SLC22A25: variants seen among roughly 807,000 people sequenced by gnomAD.
SLC22A25 encodes the protein solute carrier family 22 member 25.
Under a neutral mutation model 45.9 loss-of-function variants are expected in SLC22A25, and 44 were observed. That is an observed-to-expected ratio of 0.96 (90% CI 0.75 to 1.23). SLC22A25 has a LOEUF of 1.23. Ranked by LOEUF, SLC22A25 falls within the 50% of genes most tolerant of loss-of-function variation. SLC22A25 has a pLI of 0.00. For synonymous variants in SLC22A25, 283 were observed against 238.6 expected (o/e 1.19, Z -1.72); for missense variants, 800 against 666.4 (o/e 1.20, Z -2.21).
chr11:63,229,559 A>G lies in SLC22A25; in HGVS notation c.94T>C (p.Tyr32His), dbSNP rs34499840. The G allele has an allele frequency of 2.3e-3, 3,707 of 1,614,118 alleles. 9 individuals carry two copies. Among genetic ancestry groups the G allele is most frequent in the Non-Finnish European group, 3.0e-3 (3,529 of 1,179,988 alleles). The stretch of plus-strand genomic sequence containing the variant: ...AAGTTCTCCAGCTGAGTTTGATGGT[A>G]TACTATGACGTTGAACATTATAAGG... ...VFLIMFNVIV[Y>H]HQTQLENFAA... Residue 32 changes from tyrosine to histidine, a missense_variant, in exon 4 of 12, where the codon TAC (tyrosine) becomes CAC (histidine). Coordinates refer to ENST00000306494, the MANE Select transcript of SLC22A25 (RefSeq NM_199352.6).
intron 7 of SLC22A25, among the ~76,000 whole-genome samples, chr11:63,186,080 A>G (rs2088530836): frequency 6.6e-6 from 1 of 150,792 alleles, no homozygotes; most frequent in African/African-American, 2.4e-5. Flanking sequence ...GGCTGGGTCA[A>G]ATGGTATTTC....
At chr11:63,239,485 T>C (rs1349919531) in intron 1 of SLC22A25, among the ~76,000 whole-genome samples, 2 of 152,230 alleles carry the variant, frequency 1.3e-5, no homozygotes, top group Non-Finnish European at 2.9e-5. Flanking sequence ...TGCTATATTG[T>C]TAGCAGTCTT....
intron 9 of SLC22A25, chr11:63,166,914 T>C (rs953086255): frequency 2.1e-6 from 2 of 950,246 alleles, no homozygotes; most frequent in African/African-American, 1.8e-5. Flanking sequence ...AGAGCTCTGG[T>C]CTGCAGCTCC....
intron 9 of SLC22A25, among the ~76,000 whole-genome samples, chr11:63,174,862 A>G (rs1482437352): frequency 2.0e-5 from 3 of 152,080 alleles, no homozygotes; most frequent in Admixed American, 6.6e-5. Context: ...ATTATTTTAG[A>G]TATCTCATAT....
rs1333240109 is a variant in SLC22A25 at position 63,159,493 on chromosome 11, G to A, written c.*4331C>T. Among the ~76,000 whole-genome samples the A allele has an allele frequency of 6.6e-6, 1 of 152,192 alleles. No homozygotes were observed. The highest frequency in any genetic ancestry group is 2.4e-5 in the African/African-American group (1 of 41,448). On this transcript the variant is annotated 3_prime_UTR_variant, in exon 12 of 12. Transcript: ENST00000306494. ...TTCTCTTTTCCCTGCTGCCATGTAA[G>A]TTGTGCCTTTCACCTTCTGCCGTGA...
chr11:63,234,191 T>A (rs905512501), intron 3 of SLC22A25, among the ~76,000 whole-genome samples: 2 of 152,206 alleles, frequency 1.3e-5, no homozygotes, highest in African/African-American at 4.8e-5. Context: ...CTGGATATCC[T>A]TGTTAACTTT....
At chr11:63,179,730 A>G (rs2088250344) in intron 9 of SLC22A25, among the ~76,000 whole-genome samples, 1 of 152,150 alleles carries the variant, frequency 6.6e-6, no homozygotes, top group Non-Finnish European at 1.5e-5. Context: ...TATATCAGAC[A>G]CATACTGAGC....
intron 3 of SLC22A25, among the ~76,000 whole-genome samples, 106 bp downstream of exon 3, chr11:63,237,775 T>C (rs927131552): frequency 1.1e-4 from 17 of 152,170 alleles, no homozygotes; most frequent in Admixed American, 6.5e-5. Flanking sequence ...TAGTACTCCA[T>C]TTGTGTTTCT....
intron 7 of SLC22A25, among the ~76,000 whole-genome samples, chr11:63,202,345 AG>A (rs1290889261): frequency 2.0e-5 from 3 of 152,116 alleles, no homozygotes; most frequent in Non-Finnish European, 4.4e-5. Context: ...CAGGGAGTTA[AG>A]TGGTCTAGCT....
At chr11:63,236,624 A>T (rs1428256920) in intron 3 of SLC22A25, among the ~76,000 whole-genome samples, 4 of 152,086 alleles carry the variant, frequency 2.6e-5, no homozygotes, top group African/African-American at 9.7e-5. Flanking sequence ...GCTTTGGCTC[A>T]TGCACGGTGT....
chr11:63,213,805 C>A (rs1319726129), intron 7 of SLC22A25, among the ~76,000 whole-genome samples: 1 of 152,092 alleles, frequency 6.6e-6, no homozygotes, highest in Non-Finnish European at 1.5e-5. Context: ...AGAGATACCC[C>A]CTTGGAGAGG....
chr11:63,212,264 C>T (rs1175820167), intron 7 of SLC22A25, among the ~76,000 whole-genome samples: 5 of 151,786 alleles, frequency 3.3e-5, no homozygotes, highest in Non-Finnish European at 7.4e-5. Flanking sequence ...TGTGGCGATT[C>T]CTCAGGGATC....
chr11:63,217,213 C>T, intron 7 of SLC22A25, 101 bp downstream of exon 7: 1 of 1,356,992 alleles, frequency 7.4e-7, no homozygotes, highest in Non-Finnish European at 9.9e-7. Context: ...GGAGAATGTA[C>T]TCAAGGCTAG....
rs528342302 is a variant in SLC22A25 at position 63,183,196 on chromosome 11, G to A, written c.954+498C>T. On this transcript the variant is annotated intron_variant, in intron 8 of 11. Transcript: ENST00000306494. ...CAAATATAGATTTGGACTGGTGTTG[G>A]TACTGTCATATTTCCAAGAAAGAAT... Among the ~76,000 whole-genome samples the A allele has an allele frequency of 4.6e-5, 7 of 152,198 alleles. No individual in the cohort carries two copies. In the East Asian group the frequency reaches 1.4e-3, roughly 29 times the overall value.
intron 7 of SLC22A25, among the ~76,000 whole-genome samples, chr11:63,184,375 G>A (rs1412013166): frequency 6.6e-6 from 1 of 152,092 alleles, no homozygotes; most frequent in Non-Finnish European, 1.5e-5. Context: ...TAATGGATGA[G>A]CCTGACAAGG....
At chr11:63,237,029 G>T (rs142334155) in intron 3 of SLC22A25, among the ~76,000 whole-genome samples, 1 of 152,186 alleles carries the variant, frequency 6.6e-6, no homozygotes, top group Admixed American at 6.5e-5. Flanking sequence ...TTCAATGTCT[G>T]TTCCTAAACT....
intron 3 of SLC22A25, among the ~76,000 whole-genome samples, chr11:63,232,964 T>C (rs2090097254): frequency 6.6e-6 from 1 of 152,204 alleles, no homozygotes; most frequent in African/African-American, 2.4e-5. Context: ...TGAGCCAGCC[T>C]TGCATCCCAG....
chr11:63,196,100 G>A (rs934992570), intron 7 of SLC22A25, among the ~76,000 whole-genome samples: 4 of 152,090 alleles, frequency 2.6e-5, no homozygotes, highest in African/African-American at 9.7e-5. Context: ...CTGAAATTGA[G>A]GTAATAATTA....
intron 7 of SLC22A25, among the ~76,000 whole-genome samples, chr11:63,201,812 T>TAA (rs201461509): frequency 2.9e-3 from 19 of 6,602 alleles, no homozygotes; most frequent in Non-Finnish European, 0.015. Context: ...AAAATTTCAA[T>TAA]AAAAAAACCC....
Sources: allele counts gnomAD v4.1 joint callset (sites outside exome capture counted in the v4.1 genomes callset), GRCh38; gene constraint gnomAD v4.1.1; transcripts MANE v1.5; gene names NCBI Gene and HGNC (gene_info 2026-07-23, HGNC 2026-07-21).